The following HMGN3 variants were observed in gnomAD, a reference collection of about 807,000 sequenced individuals.
HMGN3 encodes high mobility group nucleosome-binding domain-containing protein 3.
A neutral mutation model predicts 18.8 loss-of-function variants in HMGN3; 6 were observed. That is an observed-to-expected ratio of 0.32 (90% CI 0.18 to 0.63). HMGN3 has a LOEUF of 0.63. HMGN3 is among the 30% of genes least tolerant of loss of function. HMGN3 has a pLI of 0.79. For synonymous variants in HMGN3, 40 were observed against 36.5 expected (o/e 1.10, Z -0.35); for missense variants, 107 against 114.2 (o/e 0.94, Z 0.29).
chr6:79,208,759 A>T (rs756600767), intron 2 of HMGN3, among the ~76,000 whole-genome samples, 183 bp from the exon 3 acceptor site: 6 of 152,194 alleles, frequency 3.9e-5, no homozygotes, highest in Non-Finnish European at 8.8e-5. Flanking sequence ...ATGACACTCA[A>T]GAGGAAGTGT....
intron 3 of HMGN3, among the ~76,000 whole-genome samples, chr6:79,204,708 G>A (rs1437743699): frequency 1.3e-5 from 2 of 152,130 alleles, no homozygotes; most frequent in East Asian, 3.8e-4. Context: ...TTTTCATCAA[G>A]GGCATAAAGT....
At chr6:79,226,712 T>G (rs1406690774) in intron 1 of HMGN3, among the ~76,000 whole-genome samples, 1 of 152,308 alleles carries the variant, frequency 6.6e-6, no homozygotes, top group East Asian at 1.9e-4. Flanking sequence ...ACATTTCTCT[T>G]AAAATATTAA....
intron 1 of HMGN3, among the ~76,000 whole-genome samples, chr6:79,222,712 T>C (rs1777362711): frequency 6.6e-6 from 1 of 152,224 alleles, no homozygotes; most frequent in Non-Finnish European, 1.5e-5. Flanking sequence ...GGTCCCTTCA[T>C]GGGATTAATA....
chr6:79,217,126 T>G (rs997785512), intron 1 of HMGN3, among the ~76,000 whole-genome samples: 1 of 152,150 alleles, frequency 6.6e-6, no homozygotes, highest in Non-Finnish European at 1.5e-5. Context: ...AAAAAGCAGG[T>G]ACACTGAAAA....
intron 1 of HMGN3, among the ~76,000 whole-genome samples, chr6:79,233,203 T>C (rs574454168): frequency 2.8e-4 from 43 of 152,314 alleles, no homozygotes; most frequent in African/African-American, 1.0e-3. Context: ...GTAACACCGC[T>C]CAAGCTGTTT....
chr6:79,201,536 CTA>C (rs577654856), exon 6 of HMGN3: 210 of 601,780 alleles, frequency 3.5e-4, no homozygotes, highest in African/African-American at 3.1e-3. Context: ...AAAAGCATGA[CTA>C]TGAGACGATA....
intron 5 of HMGN3, chr6:79,202,095 G>A (rs1483919485): frequency 6.5e-7 from 1 of 1,539,382 alleles, no homozygotes; most frequent in Non-Finnish European, 8.7e-7. Flanking sequence ...TTTACTGACA[G>A]TGTGCTGGGT....
At chr6:79,227,927 T>C (rs981802983) in intron 1 of HMGN3, among the ~76,000 whole-genome samples, 17 of 152,190 alleles carry the variant, frequency 1.1e-4, no homozygotes, top group African/African-American at 4.1e-4. Context: ...GACTTCATGG[T>C]AAAGTAAAAT....
chr6:79,207,613 C>T (rs535982011), intron 3 of HMGN3, among the ~76,000 whole-genome samples: 6 of 152,272 alleles, frequency 3.9e-5, no homozygotes, highest in African/African-American at 1.4e-4. Flanking sequence ...AATATACTTC[C>T]TTACGAGACT....
At chr6:79,229,792 G>C (rs1018452236) in intron 1 of HMGN3, among the ~76,000 whole-genome samples, 5 of 152,056 alleles carry the variant, frequency 3.3e-5, no homozygotes, top group Non-Finnish European at 5.9e-5. Context: ...GCAGGAGAAT[G>C]GTGTGAACCC....
chr6:79,216,335 T>A (rs1454273935), intron 1 of HMGN3, among the ~76,000 whole-genome samples: 1 of 152,174 alleles, frequency 6.6e-6, no homozygotes, highest in Non-Finnish European at 1.5e-5. Flanking sequence ...TAACAGTGAA[T>A]GGAATTAAAA....
exon 6 of HMGN3, chr6:79,201,590 G>T: frequency 1.2e-6 from 1 of 835,216 alleles, no homozygotes; most frequent in Non-Finnish European, 2.0e-6. Context: ...AACTAGTAGA[G>T]TCCTAAAAAA....
intron 1 of HMGN3, among the ~76,000 whole-genome samples, chr6:79,219,655 A>G (rs1367399349): frequency 1.3e-5 from 2 of 152,176 alleles, no homozygotes; most frequent in Non-Finnish European, 2.9e-5. Context: ...TAATTGCCAC[A>G]TTAAAAAAGC....
chr6:79,218,079 C>T (rs186994880), intron 1 of HMGN3, among the ~76,000 whole-genome samples: 3 of 152,258 alleles, frequency 2.0e-5, no homozygotes, highest in East Asian at 3.9e-4. Flanking sequence ...CTGCAAGAGA[C>T]GTTTTAACTT....
At chr6:79,217,922 A>C (rs1466885813) in intron 1 of HMGN3, among the ~76,000 whole-genome samples, 2 of 152,240 alleles carry the variant, frequency 1.3e-5, no homozygotes, top group East Asian at 3.8e-4. Context: ...GGAGAGTTAG[A>C]CGGGATGCAG....
intron 4 of HMGN3, among the ~76,000 whole-genome samples, chr6:79,203,335 A>T (rs925898332): frequency 2.6e-5 from 4 of 151,816 alleles, no homozygotes; most frequent in African/African-American, 9.7e-5. Context: ...CTGCTGCCAA[A>T]CCCCCTTCGG....
chr6:79,217,014 A>AT (rs1324051442), intron 1 of HMGN3, among the ~76,000 whole-genome samples: 16 of 152,252 alleles, frequency 1.1e-4, no homozygotes, highest in African/African-American at 3.4e-4. Context: ...TGGATTAGTG[A>AT]CAGGCAATAT....
chr6:79,224,309 G>T (rs558660313), intron 1 of HMGN3, among the ~76,000 whole-genome samples: 1 of 152,190 alleles, frequency 6.6e-6, no homozygotes, highest in South Asian at 2.1e-4. Context: ...TTCAAAACTG[G>T]GTGCAGATCT....
In HMGN3 at chr6:79,208,592, G is replaced by A. The variant is rs9341761; in HGVS notation, c.67-16C>T. On this transcript the variant is annotated splice_polypyrimidine_tract_variant and intron_variant, in intron 2 of 5. Transcript: ENST00000344726. Reference sequence around the variant, plus strand: ...GTCTTGTGGGCTACAAAGGGAATGGGAAAATATACATATTTTTTGGTGATT... The same window carrying A: ...GTCTTGTGGGCTACAAAGGGAATGGAAAAATATACATATTTTTTGGTGATT... 0.96 allele frequency: 1,536,249 copies of A among 1,597,122 alleles called. 739,400 individuals carry two copies. The highest frequency in any genetic ancestry group is 1 in the East Asian group (44,814 of 44,814).
Sources: allele counts gnomAD v4.1 joint callset (sites outside exome capture counted in the v4.1 genomes callset), GRCh38; gene constraint gnomAD v4.1.1; transcripts MANE v1.5; gene names NCBI Gene and HGNC (gene_info 2026-07-23, HGNC 2026-07-21).